The following PKD1L1 variants were observed in gnomAD, a reference collection of about 807,000 sequenced individuals.
PKD1L1 encodes the protein polycystin 1 like 1, transient receptor potential channel interacting.
A neutral mutation model predicts 323.4 loss-of-function variants in PKD1L1; 236 were observed. The ratio of observed to expected loss-of-function variants is 0.73; its 90% CI spans 0.66 to 0.81. The LOEUF (loss-of-function observed/expected upper bound fraction) is 0.81. Among genes scored for constraint, PKD1L1 ranks in the 40% least tolerant of loss-of-function variants. The probability of loss-of-function intolerance (pLI) is 0.00; values close to 1 mark genes in which losing one functional copy is unlikely to be tolerated. For missense variants in PKD1L1, 3,320 were observed against 3,508.0 expected (o/e 0.95, Z 1.35); for synonymous variants, 1,344 against 1,335.0 (o/e 1.01, Z -0.15).
intron 46 of PKD1L1, chr7:47,818,252 G>C (rs916917239): frequency 7.1e-6 from 9 of 1,270,604 alleles, no homozygotes; most frequent in African/African-American, 3.1e-5. Flanking sequence ...AATGAGCCAG[G>C]GGGCACAGAG....
In PKD1L1 at chr7:47,880,799, G is replaced by A. The variant is rs1376460846; in HGVS notation, c.3449C>T (p.Thr1150Ile). The A allele has an allele frequency of 3.1e-6, 5 of 1,602,058 alleles. No individual in the cohort carries two copies. The highest frequency in any genetic ancestry group is 1.1e-5 in the South Asian group (1 of 90,346). The change falls in exon 21 of 57, where the codon ACA becomes ATA. Residue 1150 changes from threonine to isoleucine, a missense_variant. Thr to Ile is a moderately conservative substitution (Grantham distance 89). Transcript: ENST00000289672. ...VFQGYSSSGITEQTVTIKPYS... is the reference protein window; with the variant it reads ...VFQGYSSSGIIEQTVTIKPYS... ...TGGCTTGATTGTCACTGTCTGTTCT[G>A]TAATACCTGCAGAAAAGACATGGCT...
chr7:47,879,849 C>A (rs1461082865), intron 21 of PKD1L1, among the ~76,000 whole-genome samples: 5 of 128,580 alleles, frequency 3.9e-5, no homozygotes, highest in Non-Finnish European at 8.0e-5. Context: ...AGGAGAATGG[C>A]GTGAACCTGG....
At chr7:47,937,016 T>C (rs1362235724) in intron 3 of PKD1L1, 58 bp from the exon 4 acceptor site, 4 of 1,340,806 alleles carry the variant, frequency 3.0e-6, no homozygotes, top group Non-Finnish European at 4.2e-6. Context: ...CCCAGTACAT[T>C]TGGGAAAGTA....
intron 28 of PKD1L1, among the ~76,000 whole-genome samples, chr7:47,855,863 G>C (rs1235536599): frequency 1.8e-5 from 1 of 54,146 alleles, no homozygotes; most frequent in Non-Finnish European, 2.9e-5. Context: ...GCGACAGAGC[G>C]AGACTCCGTC....
intron 2 of PKD1L1, among the ~76,000 whole-genome samples, chr7:47,943,171 T>A (rs1318947335): frequency 0.025 from 887 of 35,822 alleles, 8 homozygotes; most frequent in Middle Eastern, 0.032. Flanking sequence ...AAAATATATA[T>A]ATATATATAT....
intron 55 of PKD1L1, chr7:47,795,543 T>G: frequency 2.8e-6 from 1 of 354,196 alleles, no homozygotes; most frequent in Non-Finnish European, 5.5e-6. Flanking sequence ...AAGTGAGTAT[T>G]CAGTGTGCAA....
At chr7:47,857,943 G>A in intron 27 of PKD1L1, 111 bp from the exon 28 acceptor site, 1 of 1,028,090 alleles carries the variant, frequency 9.7e-7, no homozygotes, top group South Asian at 1.6e-5. Flanking sequence ...TCTCAAGTTA[G>A]ATTGGATGGC....
At position 47,835,153 on chromosome 7, in the gene PKD1L1, G is replaced by A; in HGVS notation, c.6034C>T (p.Leu2012=). The part of the protein sequence containing the change: ...LASPGAQLLS[L]LFRLSKEAPG... ...GGTACCTTGCTGAGCCTGAAGAGCA[G>A]GGACAAGAGCTGGGCCCCTGGAGAA... Residue 2012 remains leucine (L), a synonymous_variant, in exon 38 of 57, where the codon CTG becomes TTG. Transcript: ENST00000289672. 6.3e-7 allele frequency: 1 copy of A among 1,599,368 alleles called. No individual in the cohort carries two copies. Among genetic ancestry groups the A allele is most frequent in the African/African-American group, 1.3e-5 (1 of 74,124 alleles).
chr7:47,775,057 G>A lies in PKD1L1; in HGVS notation c.*86C>T. 3 of 1,460,758 alleles carry A rather than the reference G, an allele frequency of 2.1e-6. No individual in the cohort carries two copies. The highest frequency in any genetic ancestry group is 2.3e-5 in the East Asian group (1 of 43,502). The allele number at this position is 1,460,758 out of a possible 1,614,324, so 90.5% of individuals were successfully genotyped here. On this transcript the variant is annotated 3_prime_UTR_variant, in exon 57 of 57. Coordinates refer to ENST00000289672, the MANE Select transcript of PKD1L1 (RefSeq NM_138295.5). ...CTTCGTACCTCAGCTCTTCTCACCT[G>A]CAAAACTAGGATGTCTGCTAAAATT...
At chr7:47,916,104 A>C (rs1787424286) in intron 7 of PKD1L1, among the ~76,000 whole-genome samples, 1 of 152,258 alleles carries the variant, frequency 6.6e-6, no homozygotes, top group African/African-American at 2.4e-5. Flanking sequence ...CAGCACTGAT[A>C]TCAAAGACCA....
chr7:47,823,192 C>T (rs74903193), intron 45 of PKD1L1, among the ~76,000 whole-genome samples: 16 of 152,190 alleles, frequency 1.1e-4, no homozygotes, highest in African/African-American at 3.6e-4. Context: ...TGTTAGGTGT[C>T]GAGTTTTCAT....
At chr7:47,934,005 T>C (rs1394181814) in intron 4 of PKD1L1, among the ~76,000 whole-genome samples, 1 of 152,250 alleles carries the variant, frequency 6.6e-6, no homozygotes, top group Non-Finnish European at 1.5e-5. Context: ...TGGCTTCCCC[T>C]GGACTGGTTC....
rs368235461 is a variant in PKD1L1, at chr7:47,859,309, T to G, written c.4150-424A>C. Among the ~76,000 whole-genome samples, 5 of 152,324 alleles carry G rather than the reference T, an allele frequency of 3.3e-5. No individual in the cohort carries two copies. The East Asian group carries it at 5.8e-4, about 18-fold the overall frequency. Reference sequence around the variant, plus strand: ...GCCTTCTCCCTCCCCATTACCTATGTGCATTCTATTCTCAAGCCATGCTGA... The same window carrying G: ...GCCTTCTCCCTCCCCATTACCTATGGGCATTCTATTCTCAAGCCATGCTGA... On this transcript the variant is annotated intron_variant, in intron 26 of 56. Transcript: ENST00000289672.
At chr7:47,882,938 G>A (rs955761037) in intron 19 of PKD1L1, among the ~76,000 whole-genome samples, 2 of 152,218 alleles carry the variant, frequency 1.3e-5, no homozygotes, top group East Asian at 3.9e-4. Flanking sequence ...GTCTAGGCAA[G>A]AAGGAGTCGC....
At chr7:47,906,126 CAT>C (rs1053379016) in intron 9 of PKD1L1, among the ~76,000 whole-genome samples, 164 bp from the exon 10 acceptor site, 1 of 152,162 alleles carries the variant, frequency 6.6e-6, no homozygotes, top group Non-Finnish European at 1.5e-5. Flanking sequence ...ACCTGGGAAA[CAT>C]AAACTTAATC....
At chr7:47,775,317 C>A in intron 56 of PKD1L1, 151 bp from the exon 57 acceptor site, 1 of 727,246 alleles carries the variant, frequency 1.4e-6, no homozygotes, top group South Asian at 2.0e-5. Flanking sequence ...ACACTTTGCT[C>A]AACAACAGCA....
intron 13 of PKD1L1, among the ~76,000 whole-genome samples, chr7:47,901,344 A>AG (rs1340875141): frequency 6.6e-6 from 1 of 151,398 alleles, no homozygotes; most frequent in African/African-American, 2.4e-5. Context: ...AAAAAAAAAA[A>AG]AAAAGAAAAG....
At chr7:47,793,579 T>C (rs1458786771) in intron 55 of PKD1L1, among the ~76,000 whole-genome samples, 2 of 152,204 alleles carry the variant, frequency 1.3e-5, no homozygotes, top group Non-Finnish European at 2.9e-5. Flanking sequence ...TAAATATCTT[T>C]TTGTCCCCAG....
At chr7:47,819,183 G>A (rs2128731830) in intron 46 of PKD1L1, among the ~76,000 whole-genome samples, 1 of 152,284 alleles carries the variant, frequency 6.6e-6, no homozygotes, top group South Asian at 2.1e-4. Flanking sequence ...CAGGATACTT[G>A]AATATCCCTG....
Sources: gnomAD v4.1 joint callset for allele counts (sites outside exome capture counted in the v4.1 genomes callset) on GRCh38, gnomAD v4.1.1 for gene constraint, MANE v1.5 for transcripts, NCBI Gene and HGNC (gene_info 2026-07-23, HGNC 2026-07-21) for gene names.